The following WIZ variants were observed in gnomAD, a reference collection of about 807,000 sequenced individuals.
WIZ encodes the protein WIZ zinc finger.
WIZ carries 25 observed loss-of-function variants against 140.2 expected under a neutral mutation model. The ratio of observed to expected loss-of-function variants is 0.18; its 90% confidence interval spans 0.13 to 0.25. The LOEUF is 0.25. Among genes scored for constraint, WIZ ranks in the 10% least tolerant of loss-of-function variants. WIZ has a pLI of 1.00. For missense variants in WIZ, 2,231 were observed against 2,632.6 expected (o/e 0.85, Z 3.34); for synonymous variants, 1,125 against 1,154.3 (o/e 0.97, Z 0.51).
intron 5 of WIZ, chr19:15,433,155 T>C (rs752440474): frequency 8.5e-4 from 701 of 827,114 alleles, no homozygotes; most frequent in Non-Finnish European, 9.6e-4. Context: ...TCGGGGATCC[T>C]GGAAAACACC....
rs1968942575 is a variant in WIZ, at chr19:15,427,762, G to A, written c.3815-229C>T. ...TGGGCCCTCAGTCCTGGCGGAGGAG[G>A]ATGGAACCAAGATTCCATTGCTCTG... On this transcript the variant is annotated intron_variant, in intron 8 of 12. Transcript: ENST00000673675. The surrounding 1 kb of genome is among the most constrained non-coding windows in gnomAD (Gnocchi z 6.4). 6.6e-6 allele frequency among the ~76,000 whole-genome samples: 1 copy of A among 152,184 alleles called. No individual in the cohort carries two copies. The highest frequency in any genetic ancestry group is 6.5e-5 in the Admixed American group (1 of 15,280).
At chr19:15,449,670 GC>G (rs1240147857) in intron 1 of WIZ, 127 bp downstream of exon 1, 1 of 35,498 alleles carries the variant, frequency 2.8e-5, no homozygotes, top group Non-Finnish European at 5.7e-5. Context: ...GCCAGGCCCC[GC>G]CCCTGAAGGC....
At position 15,427,554 on chromosome 19, in the gene WIZ, G is replaced by A. The variant is rs762725206; in HGVS notation, c.3815-21C>T. On this transcript the variant is annotated intron_variant, in intron 8 of 12. Coordinates refer to ENST00000673675, the MANE Select transcript of WIZ (RefSeq NM_001371589.1). This position sits in a 1 kb window ranked among gnomAD's most constrained non-coding sequence, Gnocchi z 6.4. ...TGAGGCTGCAGCAGGAGGAGAAAGG[G>A]GCAGTTAGCATCGTGGAACTGCCAG... 4 of 1,592,648 alleles carry A rather than the reference G, an allele frequency of 2.5e-6. No homozygotes were observed. The highest frequency in any genetic ancestry group is 2.3e-5 in the South Asian group (2 of 88,840).
rs1240144450 is a variant in WIZ, at chr19:15,428,056, G to A, written c.3814+54C>T. ...GGGAGGGGGCTGTGACCCCCCCCCC[G>A]GGAGGGGCTCCAGGGCCCGCAGTGA... On this transcript the variant is annotated intron_variant, in intron 8 of 12. Coordinates refer to ENST00000673675, the MANE Select transcript of WIZ (RefSeq NM_001371589.1). This position sits in a 1 kb window ranked among gnomAD's most constrained non-coding sequence, Gnocchi z 6.4. The A allele has an allele frequency of 1.7e-5, 26 of 1,506,862 alleles. No homozygotes were observed. The highest frequency in any genetic ancestry group is 1.7e-4 in the East Asian group (7 of 40,638). The allele number at this position is 1,506,862 out of a possible 1,614,324, so 93.3% of individuals were successfully genotyped here.
rs980157722 is a variant in WIZ at position 15,424,004 on chromosome 19, C to G, written c.5510+179G>C. On this transcript the variant is annotated intron_variant, in intron 12 of 12. Transcript: ENST00000673675. The surrounding 1 kb of genome is among the most constrained non-coding windows in gnomAD (Gnocchi z 9.7). The stretch of plus-strand genomic sequence containing the variant: ...GTAAGTGGCAGAGTTGGGATTTGAA[C>G]CCAGGTCTCGCAGGCTACAAAGCTC... 60 of 531,952 alleles carry G rather than the reference C, an allele frequency of 1.1e-4. No homozygotes were observed. In the South Asian group the frequency reaches 2.2e-3, roughly 19 times the overall value. The allele number at this position is 531,952 out of a possible 1,614,324, so 33.0% of individuals were successfully genotyped here. A position where few individuals can be genotyped will look rare whatever the true frequency, so the allele number is the denominator to read the frequency against.
In WIZ at chr19:15,431,123, T is replaced by C. The variant is rs1352799805; in HGVS notation, c.2800A>G (p.Lys934Glu). 2.0e-6 allele frequency: 3 copies of C among 1,535,198 alleles called. No individual in the cohort carries two copies. The highest frequency in any genetic ancestry group is 2.6e-6 in the Non-Finnish European group (3 of 1,146,538). The change falls in exon 6 of 13, where the codon AAG (lysine) becomes GAG (glutamate). Residue 934 changes from lysine to glutamate, a missense_variant. Around this residue, in one of 15 missense-constraint regions of WIZ, gnomAD observed 137 missense variants for 135.8 expected, o/e 1.01. Transcript: ENST00000673675. ...AMDLGSPSLP[K>E]KSLPVPGALE... ...GCCCCAGGGACAGGCAGGCTCTTCT[T>C]AGGGAGCGAGGGAGAGCCCAAGTCC...
rs1325274479 is a variant in WIZ at position 15,427,149 on chromosome 19, T to C, written c.4199A>G (p.Lys1400Arg). The C allele has an allele frequency of 1.4e-5, 22 of 1,614,038 alleles. No homozygotes were observed. Among genetic ancestry groups the C allele is most frequent in the Non-Finnish European group, 1.8e-5 (21 of 1,180,024 alleles). Residue 1400 changes from lysine (K) to arginine (R), a missense_variant, in exon 9 of 13, where the codon AAG (lysine) becomes AGG (arginine). Physicochemically the swap from Lys to Arg is conservative, Grantham distance 26. Coordinates refer to ENST00000673675, the MANE Select transcript of WIZ (RefSeq NM_001371589.1). This position sits in a 1 kb window ranked among gnomAD's most constrained non-coding sequence, Gnocchi z 6.4. The part of the protein sequence containing the change: ...PTASPPPTAR[K>R]MFPGLAAPSL... The stretch of plus-strand genomic sequence containing the variant: ...GGGTGCAGCCAGGCCTGGGAACATC[T>C]TTCGGGCCGTAGGAGGAGGAGAGGC...
chr19:15,423,221 T>G lies in WIZ; in HGVS notation c.5525A>C (p.Glu1842Ala). ...CTGGATGGAGAGGGGGCCCTGGAAT[T>G]CCACCTCACAGAACCTGCATGGGGG... Reference protein sequence around the residue: ...YTLKCRFCEVEFQGPLSIQEE... With the variant: ...YTLKCRFCEVAFQGPLSIQEE... The change falls in exon 13 of 13, where the codon GAA becomes GCA. Residue 1842 changes from glutamate to alanine, a missense_variant. Glu to Ala is a moderately radical substitution (Grantham distance 107, BLOSUM62 -1). Around this residue, in one of 15 missense-constraint regions of WIZ, gnomAD observed 299 missense variants for 309.6 expected, o/e 0.97. Coordinates refer to ENST00000673675, the MANE Select transcript of WIZ (RefSeq NM_001371589.1). The G allele has an allele frequency of 6.2e-7, 1 of 1,613,574 alleles. No individual in the cohort carries two copies. The highest frequency in any genetic ancestry group is 1.1e-5 in the South Asian group (1 of 91,066).
At chr19:15,423,833 C>G (rs886147806) in intron 12 of WIZ, among the ~76,000 whole-genome samples, 1 of 152,224 alleles carries the variant, frequency 6.6e-6, no homozygotes, top group African/African-American at 2.4e-5. Flanking sequence ...TTACCATGTG[C>G]CAGGCAGTTC....
At chr19:15,441,610 C>G (rs1438180146) in intron 3 of WIZ, among the ~76,000 whole-genome samples, 2 of 152,120 alleles carry the variant, frequency 1.3e-5, no homozygotes, top group Admixed American at 6.5e-5. Context: ...CATTTGAGAT[C>G]GGTTCTCCCT....
chr19:15,430,748 C>T (rs889316224), intron 6 of WIZ, among the ~76,000 whole-genome samples: 1 of 57,680 alleles, frequency 1.7e-5, no homozygotes, highest in African/African-American at 6.6e-5. Flanking sequence ...TGAGCTGGGT[C>T]TGAGTATGAG....
At chr19:15,437,401 C>T (rs1162760804) in intron 4 of WIZ, among the ~76,000 whole-genome samples, 3 of 152,210 alleles carry the variant, frequency 2.0e-5, no homozygotes, top group African/African-American at 4.8e-5. Context: ...TGGTGGCTCA[C>T]GCCTGTAATC....
Position 15,431,158 on chromosome 19 carries a change from A to G in WIZ, c.2765T>C (p.Met922Thr), listed in dbSNP as rs1181950059. 2 of 1,531,280 alleles carry G rather than the reference A, an allele frequency of 1.3e-6. No homozygotes were observed. Among genetic ancestry groups the G allele is most frequent in the East Asian group, 2.5e-5 (1 of 40,690 alleles). The allele number at this position is 1,531,280 out of a possible 1,614,324, so 94.9% of individuals were successfully genotyped here. A position where few individuals can be genotyped will look rare whatever the true frequency, so the allele number is the denominator to read the frequency against. Residue 922 changes from methionine (M) to threonine (T), a missense_variant, in exon 6 of 13, where the codon ATG becomes ACG. Met to Thr is a moderately conservative substitution (Grantham distance 81). Around this residue, in one of 15 missense-constraint regions of WIZ, gnomAD observed 137 missense variants for 135.8 expected, o/e 1.01. Coordinates refer to ENST00000673675, the MANE Select transcript of WIZ (RefSeq NM_001371589.1). ...GDGLGSEENAMVAMDLGSPSL... is the reference protein window; with the variant it reads ...GDGLGSEENATVAMDLGSPSL... ...GGGAGAGCCCAAGTCCATGGCCACCATTGCGTTTTCCTCAGAACCCAGGCC... is the reference window on the plus strand; with the variant it reads ...GGGAGAGCCCAAGTCCATGGCCACCGTTGCGTTTTCCTCAGAACCCAGGCC...
chr19:15,441,906 G>T (rs1448052614), intron 3 of WIZ, among the ~76,000 whole-genome samples: 1 of 152,082 alleles, frequency 6.6e-6, no homozygotes, highest in Non-Finnish European at 1.5e-5. Flanking sequence ...CTATGACCTG[G>T]CCAGGCATGG....
chr19:15,448,061 G>T (rs780774855), intron 2 of WIZ, 42 bp downstream of exon 2: 1 of 1,606,590 alleles, frequency 6.2e-7, no homozygotes, highest in African/African-American at 1.3e-5. Flanking sequence ...CTTGGGGAAT[G>T]GGCTGGATGC....
In WIZ at chr19:15,448,290, T is replaced by A; in HGVS notation, c.18A>T (p.Ala6=). ...GACGATCTGGTGCAGCCAGGCTGCCTGCCAGAGACCCCTCCATCGGATTTT... is the reference window on the plus strand; with the variant it reads ...GACGATCTGGTGCAGCCAGGCTGCCAGCCAGAGACCCCTCCATCGGATTTT... MEGSL[A]GSLAAPDRPQ... The change falls in exon 2 of 13, where the codon GCA becomes GCT. Residue 6 remains alanine (A), a synonymous_variant. Coordinates refer to ENST00000673675, the MANE Select transcript of WIZ (RefSeq NM_001371589.1). 3 of 1,612,804 alleles carry A rather than the reference T, an allele frequency of 1.9e-6. No homozygotes were observed. The highest frequency in any genetic ancestry group is 2.5e-6 in the Non-Finnish European group (3 of 1,179,794).
In WIZ at chr19:15,438,709, A is replaced by G; in HGVS notation, c.2285T>C (p.Ile762Thr). The change falls in exon 4 of 13, where the codon ATC (isoleucine) becomes ACC (threonine). Residue 762 changes from isoleucine (I) to threonine (T), a missense_variant. Coordinates refer to ENST00000673675, the MANE Select transcript of WIZ (RefSeq NM_001371589.1). ...GCCCCGGACGTGGTTGGCCAAGCCG[A>G]TGCCGTTGTGGAAGCGATCGGGGCA... ...PYCPDRFHNG[I>T]GLANHVRGHL... The G allele has an allele frequency of 6.5e-7, 1 of 1,536,156 alleles. No individual in the cohort carries two copies. Among genetic ancestry groups the G allele is most frequent in the Non-Finnish European group, 8.7e-7 (1 of 1,146,894 alleles).
At chr19:15,449,774 T>C (rs1970063971) in intron 1 of WIZ, 24 bp downstream of exon 1, 1 of 130,244 alleles carries the variant, frequency 7.7e-6, no homozygotes, top group Non-Finnish European at 1.6e-5. Context: ...ACCCGCGGGC[T>C]CCCCAGGCCG....
rs1968455298 is a variant in WIZ, at chr19:15,422,888, C to A, written c.*188G>T. ...ACCCTGTGGCCCCAGAGTCCTCGGGCTGGGGGAAGGGCAGCTAGCTGGCTC... is the reference window on the plus strand; with the variant it reads ...ACCCTGTGGCCCCAGAGTCCTCGGGATGGGGGAAGGGCAGCTAGCTGGCTC... On this transcript the variant is annotated 3_prime_UTR_variant, in exon 13 of 13. Coordinates refer to ENST00000673675, the MANE Select transcript of WIZ (RefSeq NM_001371589.1). The A allele has an allele frequency of 7.4e-6, 6 of 815,342 alleles. No individual in the cohort carries two copies. The East Asian group carries it at 1.4e-4, about 19-fold the overall frequency. The allele number at this position is 815,342 out of a possible 1,614,324, so 50.5% of individuals were successfully genotyped here.
Sources: allele counts gnomAD v4.1 joint callset (sites outside exome capture counted in the v4.1 genomes callset), GRCh38; gene constraint gnomAD v4.1.1; regional missense constraint gnomAD v4.1.1; non-coding constraint Gnocchi (gnomAD v3.1); transcripts MANE v1.5; gene names NCBI Gene and HGNC (gene_info 2026-07-23, HGNC 2026-07-21).